Variants in TEK observed in about 807,000 individuals in gnomAD.
The protein encoded by TEK is TEK receptor tyrosine kinase, also known as angiopoietin-1 receptor.
A neutral mutation model predicts 131.8 loss-of-function variants in TEK; 43 were observed. The ratio of observed to expected loss-of-function variants is 0.33; its 90% CI spans 0.26 to 0.42. TEK has a LOEUF of 0.42. Ranked by LOEUF, TEK falls within the 10% of genes least tolerant of loss-of-function variation. The probability of loss-of-function intolerance (pLI) is 1.00; values close to 1 mark genes in which losing one functional copy is unlikely to be tolerated. For synonymous variants in TEK, 580 were observed against 491.6 expected, an observed-to-expected ratio of 1.18 and a Z score of -2.38; for missense variants, 1,162 against 1,384.4, an observed-to-expected ratio of 0.84 and a Z score of 2.55.
intron 1 of TEK, among the ~76,000 whole-genome samples, chr9:27,113,502 C>T (rs682102): frequency 0.65 from 98,457 of 151,950 alleles, 33,472 homozygotes; most frequent in Middle Eastern, 0.8. Context: ...ACAGGAGGAT[C>T]GCTTAAACCC....
intron 20 of TEK, among the ~76,000 whole-genome samples, chr9:27,219,058 C>T (rs761958660): frequency 4.6e-5 from 5 of 109,110 alleles, no homozygotes; most frequent in Non-Finnish European, 9.7e-5. Context: ...TTAATTGGCT[C>T]CGCTTGTACA....
At chr9:27,186,568 T>C (rs1381847552) in intron 9 of TEK, among the ~76,000 whole-genome samples, 1 of 152,224 alleles carries the variant, frequency 6.6e-6, no homozygotes, top group Non-Finnish European at 1.5e-5. Flanking sequence ...AACCCACAGA[T>C]ACAAAGGGTC....
At chr9:27,190,238 CCTGG>C (rs1432534983) in intron 9 of TEK, among the ~76,000 whole-genome samples, 1 of 152,060 alleles carries the variant, frequency 6.6e-6, no homozygotes, top group African/African-American at 2.4e-5. Context: ...TCACTCAAGG[CCTGG>C]CTGGTCACGA....
At chr9:27,197,180 C>A in intron 11 of TEK, 135 bp from the exon 12 acceptor site, 2 of 878,354 alleles carry the variant, frequency 2.3e-6, no homozygotes, top group Non-Finnish European at 3.6e-6. Flanking sequence ...AAGTCACACT[C>A]ATCAACCAAT....
intron 1 of TEK, among the ~76,000 whole-genome samples, chr9:27,117,494 T>TCACA (rs1821616402): frequency 6.6e-6 from 1 of 152,248 alleles, no homozygotes; most frequent in African/African-American, 2.4e-5. Context: ...ACCCCCATTG[T>TCACA]CCCCTTGTGT....
At chr9:27,121,381 G>A (rs528156693) in intron 1 of TEK, among the ~76,000 whole-genome samples, 3 of 151,582 alleles carry the variant, frequency 2.0e-5, no homozygotes, top group African/African-American at 7.3e-5. Context: ...TCTGAGTTAG[G>A]GTTACCTTAA....
chr9:27,225,617 C>CT (rs1826291278), intron 21 of TEK, among the ~76,000 whole-genome samples: 1 of 152,096 alleles, frequency 6.6e-6, no homozygotes, highest in Non-Finnish European at 1.5e-5. Flanking sequence ...AACGTAAAAT[C>CT]TAAAACCATA....
chr9:27,211,554 A>G (rs1483408975), intron 16 of TEK, among the ~76,000 whole-genome samples: 1 of 148,464 alleles, frequency 6.7e-6, no homozygotes, highest in Non-Finnish European at 1.5e-5. Context: ...CCTGGGCTCA[A>G]GCAGTCTTCC....
In TEK at chr9:27,180,309, A is replaced by G; in HGVS notation, c.971A>G (p.Asp324Gly). The G allele has an allele frequency of 2.5e-6, 4 of 1,613,832 alleles. No individual in the cohort carries two copies. Among genetic ancestry groups the G allele is most frequent in the Non-Finnish European group, 3.4e-6 (4 of 1,179,872 alleles). ...RCSCNNGEMC[D>G]RFQGCLCSPG... The stretch of plus-strand genomic sequence containing the variant: ...AGCTGCAACAATGGGGAGATGTGTG[A>G]TCGCTTCCAAGGATGTCTCTGCTCT... The change falls in exon 7 of 23, where the codon GAT becomes GGT. Residue 324 changes from aspartate to glycine, a missense_variant. By Grantham distance (94) the Asp-to-Gly change is moderately conservative. Transcript: ENST00000380036.
intron 1 of TEK, among the ~76,000 whole-genome samples, chr9:27,137,834 A>G (rs1316126258): frequency 6.6e-6 from 1 of 151,790 alleles, no homozygotes; most frequent in Non-Finnish European, 1.5e-5. Context: ...TGGTTGTATT[A>G]GTTCTTTTGT....
chr9:27,207,017 A>G (rs1365719202), intron 15 of TEK, among the ~76,000 whole-genome samples: 1 of 152,252 alleles, frequency 6.6e-6, no homozygotes, highest in Non-Finnish European at 1.5e-5. Flanking sequence ...ATTCATTGGG[A>G]TGAGATACTA....
chr9:27,140,616 ATATATCT>A (rs948869920), intron 1 of TEK, among the ~76,000 whole-genome samples: 5 of 152,032 alleles, frequency 3.3e-5, no homozygotes, highest in African/African-American at 4.8e-5. Context: ...TTATAAAGAC[ATATATCT>A]TATATATGTC....
At chr9:27,221,458 C>T (rs1022336604) in intron 21 of TEK, among the ~76,000 whole-genome samples, 1 of 117,238 alleles carries the variant, frequency 8.5e-6, no homozygotes, top group Admixed American at 7.8e-5. Context: ...GGTCCCTGAC[C>T]CGACCCCTGT....
chr9:27,188,768 G>T (rs568508663), intron 9 of TEK, among the ~76,000 whole-genome samples: 2 of 152,294 alleles, frequency 1.3e-5, no homozygotes, highest in African/African-American at 4.8e-5. Context: ...GAATAGAGCA[G>T]TGAATAATAC....
intron 1 of TEK, among the ~76,000 whole-genome samples, chr9:27,131,314 C>T (rs1049751442): frequency 1.3e-5 from 2 of 151,310 alleles, no homozygotes; most frequent in African/African-American, 4.9e-5. Flanking sequence ...TGGTAAAACC[C>T]CGTCTCTATT....
Position 27,209,212 on chromosome 9 carries a change from A to G in TEK, c.2667A>G (p.Leu889=), listed in dbSNP as rs1167170060. 6.2e-6 allele frequency: 10 copies of G among 1,613,616 alleles called. No individual in the cohort carries two copies. The change falls in exon 16 of 23, where the codon TTA becomes TTG. Residue 889 remains leucine, a synonymous_variant. Transcript: ENST00000380036. ...LGHHPNIINL[L]GACEHRGYLY... is the part of the protein sequence containing the mutation. ...ACCATCCAAACATCATCAATCTCTT[A>G]GGAGCATGTGAACATCGAGGTAAGA... is the stretch of plus-strand genomic sequence containing the variant.
intron 1 of TEK, among the ~76,000 whole-genome samples, chr9:27,131,705 G>A (rs1378414189): frequency 6.6e-6 from 1 of 151,668 alleles, no homozygotes; most frequent in African/African-American, 2.4e-5. Flanking sequence ...CAGCTACTCA[G>A]GAGGCTGAGG....
chr9:27,224,474 T>TAATC (rs1488791737), intron 21 of TEK, among the ~76,000 whole-genome samples: 1 of 152,102 alleles, frequency 6.6e-6, no homozygotes, highest in Non-Finnish European at 1.5e-5. Flanking sequence ...TCAATAAACA[T>TAATC]AATCCATCAT....
At chr9:27,181,908 C>A (rs1402465867) in intron 7 of TEK, among the ~76,000 whole-genome samples, 2 of 152,048 alleles carry the variant, frequency 1.3e-5, no homozygotes, top group African/African-American at 4.8e-5. Context: ...CAGCTATGGC[C>A]TTTTTTTCTG....
Sources: allele counts gnomAD v4.1 joint callset (sites outside exome capture counted in the v4.1 genomes callset), GRCh38; gene constraint gnomAD v4.1.1; transcripts MANE v1.5; gene names NCBI Gene and HGNC (gene_info 2026-07-23, HGNC 2026-07-21).